The following RBM19 variants were observed in gnomAD, a reference collection of about 807,000 sequenced individuals.
The protein encoded by RBM19 is RNA binding motif protein 19.
Under a neutral mutation model 116.8 loss-of-function variants are expected in RBM19, and 94 were observed. That is an observed-to-expected ratio of 0.80 (90% CI 0.68 to 0.95). The LOEUF is 0.95. Among genes scored for constraint, RBM19 ranks in the 40% least tolerant of loss-of-function variants. RBM19 has a pLI of 0.00. For synonymous variants in RBM19, 475 were observed against 494.1 expected (o/e 0.96, Z 0.51); for missense variants, 1,161 against 1,220.7 (o/e 0.95, Z 0.73).
At chr12:113,877,103 C>T (rs540814670) in intron 21 of RBM19, among the ~76,000 whole-genome samples, 11 of 152,318 alleles carry the variant, frequency 7.2e-5, no homozygotes, top group African/African-American at 2.6e-4. Context: ...CACAAGGATG[C>T]GTGGCTTGTC....
chr12:113,849,599 C>A lies in RBM19; in HGVS notation c.2665-4811G>T, dbSNP rs976916133. On this transcript the variant is annotated intron_variant, in intron 22 of 23. Transcript: ENST00000261741. ...GGGTCTGGCTCTGCTCCCAACATGC[C>A]TGGCTTGGGGCTTTGCAGGATGGGA... is the stretch of plus-strand genomic sequence containing the variant. 5.9e-5 allele frequency among the ~76,000 whole-genome samples: 9 copies of A among 152,356 alleles called. No individual in the cohort carries two copies. The East Asian group carries it at 1.7e-3, about 29-fold the overall frequency.
rs1337181883 is a variant in RBM19, at chr12:113,948,833, C to A, written c.1276G>T (p.Gly426Cys). Residue 426 changes from glycine to cysteine, a missense_variant and splice_region_variant, in exon 10 of 24, where the codon GGT (glycine) becomes TGT (cysteine). Gly to Cys is a radical substitution (Grantham distance 159, BLOSUM62 -3). Transcript: ENST00000261741. Reference protein sequence around the residue: ...EDLEKLFSKYGPLSELHYPID... With the variant: ...EDLEKLFSKYCPLSELHYPID... ...CACGGCCCGGAGGCCACACCCCTAC[C>A]ATATTTGGAGAAGAGCTTCTCCAGA... 4 of 1,614,154 alleles carry A rather than the reference C, an allele frequency of 2.5e-6. No homozygotes were observed. The highest frequency in any genetic ancestry group is 2.2e-5 in the East Asian group (1 of 44,864).
chr12:113,831,985 T>C (rs1875459474), intron 23 of RBM19, among the ~76,000 whole-genome samples: 1 of 152,090 alleles, frequency 6.6e-6, no homozygotes, highest in African/African-American at 2.4e-5. Flanking sequence ...GGGCGCACAC[T>C]TGGGAACTGC....
At chr12:113,902,868 A>G (rs1422894430) in intron 21 of RBM19, among the ~76,000 whole-genome samples, 1 of 152,148 alleles carries the variant, frequency 6.6e-6, no homozygotes, top group African/African-American at 2.4e-5. Context: ...TCAATTATAG[A>G]TTCCTTTTAT....
Position 113,945,886 on chromosome 12 carries a change from G to A in RBM19, c.1568C>T (p.Ala523Val), listed in dbSNP as rs774088254. Residue 523 changes from alanine (A) to valine (V), a missense_variant, in exon 13 of 24, where the codon GCC becomes GTC. Coordinates refer to ENST00000261741, the MANE Select transcript of RBM19 (RefSeq NM_016196.4). ...CTTCTGTGCGATGGCATCGGCCACG[G>A]CATTCGGCCCCATGAATAGTGTGTT... Reference protein sequence around the residue: ...NWNTLFMGPNAVADAIAQKYN... With the variant: ...NWNTLFMGPNVVADAIAQKYN... 6.3e-7 allele frequency: 1 copy of A among 1,593,496 alleles called. No homozygotes were observed. The highest frequency in any genetic ancestry group is 1.1e-5 in the South Asian group (1 of 90,638).
chr12:113,828,464 C>T (rs573797117), intron 23 of RBM19, among the ~76,000 whole-genome samples: 33 of 151,756 alleles, frequency 2.2e-4, no homozygotes, highest in East Asian at 5.8e-4. Context: ...CCACAAACTC[C>T]GCTAAGTCGG....
intron 8 of RBM19, among the ~76,000 whole-genome samples, chr12:113,951,935 TAGCA>T (rs766262672): frequency 5.3e-5 from 8 of 152,188 alleles, no homozygotes; most frequent in Non-Finnish European, 1.2e-4. Flanking sequence ...TCTTGAGAAG[TAGCA>T]AGTCAGCTGC....
intron 21 of RBM19, among the ~76,000 whole-genome samples, chr12:113,906,743 C>T (rs1377909341): frequency 6.6e-6 from 1 of 151,886 alleles, no homozygotes; most frequent in Admixed American, 6.6e-5. Context: ...AGGAGCCTTA[C>T]CTAACTGCCC....
At chr12:113,838,273 G>A (rs917308377) in intron 23 of RBM19, among the ~76,000 whole-genome samples, 16 of 152,206 alleles carry the variant, frequency 1.1e-4, no homozygotes, top group African/African-American at 3.9e-4. Flanking sequence ...AGAGGACCTG[G>A]AGAAAACCCA....
chr12:113,922,871 C>G (rs758300200), intron 18 of RBM19, among the ~76,000 whole-genome samples: 10 of 152,194 alleles, frequency 6.6e-5, no homozygotes, highest in Non-Finnish European at 1.2e-4. Context: ...CGGAAGCTCA[C>G]GCTTGTAATA....
At chr12:113,918,555 T>G in intron 19 of RBM19, 108 bp from the exon 20 acceptor site, 3 of 1,128,486 alleles carry the variant, frequency 2.7e-6, no homozygotes, top group Non-Finnish European at 2.6e-6. Flanking sequence ...AGCCTGATTG[T>G]TCCCCGGGGA....
chr12:113,863,333 G>A (rs954282584), intron 21 of RBM19, among the ~76,000 whole-genome samples: 1 of 152,218 alleles, frequency 6.6e-6, no homozygotes, highest in South Asian at 2.1e-4. Flanking sequence ...AGCTGCTACC[G>A]AAAAGGGATG....
chr12:113,885,768 CTT>C (rs1880471911), intron 21 of RBM19, among the ~76,000 whole-genome samples: 1 of 150,368 alleles, frequency 6.7e-6, no homozygotes, highest in Non-Finnish European at 1.5e-5. Flanking sequence ...ATCTGGAACT[CTT>C]TATAATATTC....
In RBM19 at chr12:113,941,997, A is replaced by G. The variant is rs149532289; in HGVS notation, c.1737+327T>C. 5.3e-5 allele frequency among the ~76,000 whole-genome samples: 8 copies of G among 152,304 alleles called. No homozygotes were observed. In the East Asian group the frequency reaches 5.8e-4, roughly 11 times the overall value. On this transcript the variant is annotated intron_variant, in intron 14 of 23. Coordinates refer to ENST00000261741, the MANE Select transcript of RBM19 (RefSeq NM_016196.4). Reference sequence around the variant, plus strand: ...GCTGGACTCTTCCCTGCTAGGTTCAAGAAGGGTCAAAGTCCCCGAACAGAT... The same window carrying G: ...GCTGGACTCTTCCCTGCTAGGTTCAGGAAGGGTCAAAGTCCCCGAACAGAT...
intron 21 of RBM19, among the ~76,000 whole-genome samples, chr12:113,877,419 C>T (rs950287574): frequency 2.0e-5 from 3 of 152,156 alleles, no homozygotes; most frequent in African/African-American, 7.2e-5. Flanking sequence ...CAGATCTGGC[C>T]CATGAGGTGT....
Position 113,966,174 on chromosome 12 carries a change from T to A in RBM19, c.36+18A>T, listed in dbSNP as rs776583757. The A allele has an allele frequency of 6.2e-7, 1 of 1,614,106 alleles. No homozygotes were observed. Among genetic ancestry groups the A allele is most frequent in the East Asian group, 2.2e-5 (1 of 44,898 alleles). ...GCTGGTCTCATTTCAGATTCCCAAG[T>A]CCTGCCTCTGCACTCACCCCATTCG... On this transcript the variant is annotated intron_variant, in intron 1 of 23. Transcript: ENST00000261741.
chr12:113,963,403 G>T (rs1384542990), intron 1 of RBM19, among the ~76,000 whole-genome samples: 1 of 152,156 alleles, frequency 6.6e-6, no homozygotes, highest in Non-Finnish European at 1.5e-5. Flanking sequence ...GAGTTGAGGG[G>T]ACATTCAGGG....
chr12:113,940,279 G>A lies in RBM19; in HGVS notation c.1738-119C>T, dbSNP rs1870452239. Reference sequence around the variant, plus strand: ...TCTCCATTTGGAACCTCAGCAACCAGGCACTTAGGAGGAAGACCCAGGAGG... The same window carrying A: ...TCTCCATTTGGAACCTCAGCAACCAAGCACTTAGGAGGAAGACCCAGGAGG... On this transcript the variant is annotated intron_variant, in intron 14 of 23. Coordinates refer to ENST00000261741, the MANE Select transcript of RBM19 (RefSeq NM_016196.4). 7 of 1,067,946 alleles carry A rather than the reference G, an allele frequency of 6.6e-6. No homozygotes were observed. The South Asian group carries it at 1.1e-4, about 16-fold the overall frequency. The allele number at this position is 1,067,946 out of a possible 1,614,324, so 66.2% of individuals were successfully genotyped here. A position where few individuals can be genotyped will look rare whatever the true frequency, so the allele number is the denominator to read the frequency against.
At chr12:113,913,476 G>A (rs1354082531) in intron 21 of RBM19, among the ~76,000 whole-genome samples, 1 of 152,152 alleles carries the variant, frequency 6.6e-6, no homozygotes, top group Non-Finnish European at 1.5e-5. Context: ...TGGCAGGATT[G>A]GTCTCTGCCT....
Sources: allele counts gnomAD v4.1 joint callset (sites outside exome capture counted in the v4.1 genomes callset), GRCh38; gene constraint gnomAD v4.1.1; transcripts MANE v1.5; gene names NCBI Gene and HGNC (gene_info 2026-07-23, HGNC 2026-07-21).